ICOS: variants seen among roughly 807,000 people sequenced by gnomAD.
The protein encoded by ICOS is inducible T cell costimulator.
Under a neutral mutation model 24.6 loss-of-function variants are expected in ICOS, and 15 were observed. The observed-to-expected ratio is 0.61, with a 90% CI of 0.41 to 0.94. ICOS has a LOEUF of 0.94. Ranked by LOEUF, ICOS falls within the 40% of genes least tolerant of loss-of-function variation. The pLI, the probability that ICOS is intolerant of heterozygous loss-of-function variation, is 0.00. For missense variants in ICOS, 200 were observed against 233.0 expected (o/e 0.86, Z 0.92); for synonymous variants, 89 against 77.5 (o/e 1.15, Z -0.78).
chr2:203,943,614 A>T (rs1689816682), intron 1 of ICOS, among the ~76,000 whole-genome samples: 1 of 152,032 alleles, frequency 6.6e-6, no homozygotes, highest in African/African-American at 2.4e-5. Context: ...TTAATGCTCT[A>T]TTTTTGTGCT....
Position 203,959,521 on chromosome 2 carries a change from A to G in ICOS, c.587-65A>G, listed in dbSNP as rs142038697. 340 of 1,422,416 alleles carry G rather than the reference A, an allele frequency of 2.4e-4. 2 individuals are homozygous for G. In the African/African-American group the frequency reaches 4.0e-3, roughly 17 times the overall value. The allele number at this position is 1,422,416 out of a possible 1,614,324, so 88.1% of individuals were successfully genotyped here. A position where few individuals can be genotyped will look rare whatever the true frequency, so the allele number is the denominator to read the frequency against. On this transcript the variant is annotated intron_variant, in intron 4 of 4. Coordinates refer to ENST00000316386, the MANE Select transcript of ICOS (RefSeq NM_012092.4). ...GTATGAAAGGCAATGGAGAGGGGAA[A>G]GCTTCTTGTAGGGAACTGGCACATG...
intron 1 of ICOS, among the ~76,000 whole-genome samples, chr2:203,954,643 G>A (rs2105753391): frequency 6.6e-6 from 1 of 151,966 alleles, no homozygotes; most frequent in South Asian, 2.1e-4. Context: ...AAAATCTGGG[G>A]CTTTATCTTT....
intron 1 of ICOS, among the ~76,000 whole-genome samples, chr2:203,941,706 C>T (rs995617249): frequency 6.6e-6 from 1 of 152,132 alleles, no homozygotes; most frequent in African/African-American, 2.4e-5. Flanking sequence ...TAAACTAGGT[C>T]TGTCAAATGG....
intron 1 of ICOS, among the ~76,000 whole-genome samples, chr2:203,954,872 TATA>T (rs1376388844): frequency 4.0e-5 from 6 of 148,874 alleles, no homozygotes; most frequent in Non-Finnish European, 5.9e-5. Context: ...TATTTTAATA[TATA>T]ATATGTAATA....
intron 3 of ICOS, among the ~76,000 whole-genome samples, chr2:203,957,558 T>C (rs1179352904): frequency 6.6e-6 from 1 of 152,302 alleles, no homozygotes; most frequent in Non-Finnish European, 1.5e-5. Context: ...ATAGCGCCCA[T>C]GGTCTAAGTC....
intron 1 of ICOS, among the ~76,000 whole-genome samples, chr2:203,947,592 C>T (rs1689896414): frequency 6.6e-6 from 1 of 152,164 alleles, no homozygotes; most frequent in South Asian, 2.1e-4. Flanking sequence ...CAGGGCGAGT[C>T]ACTGCGCCCG....
chr2:203,940,271 G>A (rs1207138160), intron 1 of ICOS, among the ~76,000 whole-genome samples: 3 of 152,138 alleles, frequency 2.0e-5, no homozygotes, highest in Non-Finnish European at 4.4e-5. Context: ...CGTGGGTTTT[G>A]TGGAAATAAT....
chr2:203,958,238 A>C (rs75573006), intron 4 of ICOS, among the ~76,000 whole-genome samples: 1,632 of 152,314 alleles, frequency 0.011, 29 homozygotes, highest in African/African-American at 0.037. Context: ...TTTATTGAGC[A>C]TCAGTTAAGT....
intron 1 of ICOS, among the ~76,000 whole-genome samples, chr2:203,943,708 C>G (rs1010702901): frequency 1.3e-5 from 2 of 152,064 alleles, no homozygotes; most frequent in African/African-American, 4.8e-5. Context: ...GGGTGGGGCC[C>G]TAGAACTCCC....
chr2:203,954,097 A>G (rs1448501632), intron 1 of ICOS, among the ~76,000 whole-genome samples: 1 of 152,232 alleles, frequency 6.6e-6, no homozygotes, highest in East Asian at 1.9e-4. Context: ...CAATTTCAGC[A>G]TGAAAATTTG....
Position 203,957,449 on chromosome 2 carries a change from A to G in ICOS, c.502-350A>G, listed in dbSNP as rs79096519. Among the ~76,000 whole-genome samples the G allele has an allele frequency of 5.9e-3, 904 of 152,324 alleles. 7 individuals carry two copies. The highest frequency in any genetic ancestry group is 0.02 in the African/African-American group (852 of 41,570). On this transcript the variant is annotated intron_variant, in intron 3 of 4. Coordinates refer to ENST00000316386, the MANE Select transcript of ICOS (RefSeq NM_012092.4). ...ACACCACTCTGCATATTACGCGAGT[A>G]TGCTAGTACTCAAGTATATCCACAG...
chr2:203,960,009 A>C lies in ICOS; in HGVS notation c.*410A>C. 2 of 330,376 alleles carry C rather than the reference A, an allele frequency of 6.1e-6. No homozygotes were observed. Among genetic ancestry groups the C allele is most frequent in the Non-Finnish European group, 1.2e-5 (2 of 169,142 alleles). 20.5% of individuals were successfully genotyped at this position (330,376 alleles called of 1,614,324 possible). A position where few individuals can be genotyped will look rare whatever the true frequency, so the allele number is the denominator to read the frequency against. Reference sequence around the variant, plus strand: ...AAGGACCAGCATCTGTCCGCATTTCACTATCATACTACCTCTTCTTTCTGT... The same window carrying C: ...AAGGACCAGCATCTGTCCGCATTTCCCTATCATACTACCTCTTCTTTCTGT... On this transcript the variant is annotated 3_prime_UTR_variant, in exon 5 of 5. Transcript: ENST00000316386.
At chr2:203,937,731 A>C (rs565231092) in intron 1 of ICOS, among the ~76,000 whole-genome samples, 64 of 152,286 alleles carry the variant, frequency 4.2e-4, no homozygotes, top group African/African-American at 1.5e-3. Flanking sequence ...CTAGGGATAC[A>C]TTTTTTCAGT....
At chr2:203,949,594 A>C (rs1689934561) in intron 1 of ICOS, among the ~76,000 whole-genome samples, 1 of 152,236 alleles carries the variant, frequency 6.6e-6, no homozygotes, top group South Asian at 2.1e-4. Context: ...ATTTATTAGC[A>C]ATGGAAATGG....
At chr2:203,953,968 C>G (rs1275840131) in intron 1 of ICOS, among the ~76,000 whole-genome samples, 1 of 152,160 alleles carries the variant, frequency 6.6e-6, no homozygotes, top group Admixed American at 6.5e-5. Context: ...TTCTATTTCA[C>G]TGTAGAACTA....
At chr2:203,943,281 G>T (rs1447635773) in intron 1 of ICOS, among the ~76,000 whole-genome samples, 1 of 151,916 alleles carries the variant, frequency 6.6e-6, no homozygotes, top group Non-Finnish European at 1.5e-5. Context: ...CATTTGGGTA[G>T]GTGCTGTCAG....
Position 203,959,899 on chromosome 2 carries a change from C to T in ICOS, c.*300C>T. ...GTCTCCACATCTGCTCCTAGCAGTG[C>T]ATCAGCCAGTAAAACAAACACATTT... On this transcript the variant is annotated 3_prime_UTR_variant, in exon 5 of 5. Coordinates refer to ENST00000316386, the MANE Select transcript of ICOS (RefSeq NM_012092.4). 2.0e-6 allele frequency: 1 copy of T among 505,606 alleles called. No homozygotes were observed. The highest frequency in any genetic ancestry group is 2.2e-5 in the South Asian group (1 of 45,414). 31.3% of individuals were successfully genotyped at this position (505,606 alleles called of 1,614,324 possible).
chr2:203,959,709 ATCT>A lies in ICOS; in HGVS notation c.*114_*116del, dbSNP rs1441159754. ...CGGAGAGTCTGACTTAACTACATAC[ATCT>A]TCTGCTGGTGTTTTGTTCAATCTGG... On this transcript the variant is annotated 3_prime_UTR_variant, in exon 5 of 5. Transcript: ENST00000316386. The A allele has an allele frequency of 4.2e-6, 4 of 953,136 alleles. No homozygotes were observed. The African/African-American group carries it at 6.5e-5, about 15-fold the overall frequency. 59.0% of individuals were successfully genotyped at this position (953,136 alleles called of 1,614,324 possible).
intron 2 of ICOS, 85 bp downstream of exon 2, chr2:203,956,056 T>A (rs1298325020): frequency 1.1e-6 from 1 of 897,286 alleles, no homozygotes; most frequent in Non-Finnish European, 1.7e-6. Flanking sequence ...ATTAGACAAA[T>A]AAATATCTTT....
Sources: allele counts gnomAD v4.1 joint callset (sites outside exome capture counted in the v4.1 genomes callset), GRCh38; gene constraint gnomAD v4.1.1; transcripts MANE v1.5; gene names NCBI Gene and HGNC (gene_info 2026-07-23, HGNC 2026-07-21).